Variants in COLEC12 observed in about 807,000 individuals in gnomAD.
COLEC12 encodes the protein collectin-12.
A neutral mutation model predicts 71.1 loss-of-function variants in COLEC12; 33 were observed. The observed-to-expected ratio is 0.46, with a 90% CI of 0.35 to 0.62. The LOEUF (loss-of-function observed/expected upper bound fraction) is 0.62, where lower values mean the gene tolerates loss of function less well. Among genes scored for constraint, COLEC12 ranks in the 20% least tolerant of loss-of-function variants. COLEC12 has a pLI of 0.00. For missense variants in COLEC12, 765 were observed against 916.1 expected (o/e 0.84, Z 2.13); for synonymous variants, 350 against 353.0 (o/e 0.99, Z 0.10).
At chr18:342,236 TA>T (rs71363209) in intron 5 of COLEC12, among the ~76,000 whole-genome samples, 15,903 of 152,184 alleles carry the variant, frequency 0.1, 970 homozygotes, top group Admixed American at 0.16. Context: ...TTTATATTTT[TA>T]AGTAGAGATG....
chr18:450,311 T>C lies in COLEC12; in HGVS notation c.58+30396A>G, dbSNP rs115712569. Among the ~76,000 whole-genome samples, 1,155 of 152,292 alleles carry C rather than the reference T, an allele frequency of 7.6e-3. 11 individuals carry two copies. Among genetic ancestry groups the C allele is most frequent in the African/African-American group, 0.025 (1,059 of 41,560 alleles). ...TCATGTCGATTTGTAATCCCCAATG[T>C]TGAGGGGGGGCCTGCTGGGAGGAGT... On this transcript the variant is annotated intron_variant, in intron 2 of 9. Transcript: ENST00000400256.
chr18:490,217 G>C (rs1917595477), intron 1 of COLEC12, among the ~76,000 whole-genome samples: 1 of 152,216 alleles, frequency 6.6e-6, no homozygotes, highest in Non-Finnish European at 1.5e-5. Flanking sequence ...TGAGAGCAGG[G>C]AAAACGTGAG....
chr18:446,929 C>T (rs1916665814), intron 2 of COLEC12, among the ~76,000 whole-genome samples: 1 of 152,160 alleles, frequency 6.6e-6, no homozygotes, highest in Non-Finnish European at 1.5e-5. Context: ...ATTCTATGTT[C>T]AACTCTTAAC....
At chr18:336,659 G>T (rs773082145) in intron 5 of COLEC12, among the ~76,000 whole-genome samples, 1 of 152,098 alleles carries the variant, frequency 6.6e-6, no homozygotes, top group African/African-American at 2.4e-5. Flanking sequence ...CTATTTGTTC[G>T]AGGATACTTA....
At chr18:386,060 C>A (rs1915338461) in intron 2 of COLEC12, among the ~76,000 whole-genome samples, 1 of 151,994 alleles carries the variant, frequency 6.6e-6, no homozygotes. Context: ...TGGATAAATC[C>A]ACTGTGGGAA....
At chr18:486,658 T>C (rs1917523951) in intron 1 of COLEC12, among the ~76,000 whole-genome samples, 1 of 152,216 alleles carries the variant, frequency 6.6e-6, no homozygotes, top group South Asian at 2.1e-4. Context: ...CTCATGAAAC[T>C]GAAGCCTGTG....
At chr18:353,504 T>G (rs553219346) in intron 3 of COLEC12, among the ~76,000 whole-genome samples, 1 of 152,364 alleles carries the variant, frequency 6.6e-6, no homozygotes, top group African/African-American at 2.4e-5. Flanking sequence ...CTAAATCTGG[T>G]TTCCTCCAAT....
At chr18:422,735 C>T (rs1454737945) in intron 2 of COLEC12, among the ~76,000 whole-genome samples, 3 of 152,136 alleles carry the variant, frequency 2.0e-5, no homozygotes, top group African/African-American at 7.2e-5. Context: ...GCATTACATT[C>T]TAAGCATGTA....
chr18:427,096 G>A (rs913362409), intron 2 of COLEC12, among the ~76,000 whole-genome samples: 4 of 152,190 alleles, frequency 2.6e-5, no homozygotes, highest in African/African-American at 7.2e-5. Context: ...CAATTTGGGT[G>A]TACTCAATAT....
At chr18:407,868 A>T (rs1272859649) in intron 2 of COLEC12, among the ~76,000 whole-genome samples, 1 of 152,254 alleles carries the variant, frequency 6.6e-6, no homozygotes, top group Non-Finnish European at 1.5e-5. Context: ...CTTTAAAAAT[A>T]GCTGCCTGGA....
intron 2 of COLEC12, among the ~76,000 whole-genome samples, chr18:409,361 C>G (rs1460999686): frequency 2.0e-5 from 3 of 152,050 alleles, no homozygotes; most frequent in Non-Finnish European, 4.4e-5. Context: ...TGGCAAAACC[C>G]CGTCTCTACT....
intron 2 of COLEC12, among the ~76,000 whole-genome samples, chr18:456,823 T>C (rs978864824): frequency 6.6e-6 from 1 of 152,138 alleles, no homozygotes; most frequent in Non-Finnish European, 1.5e-5. Context: ...CACAGGCTGT[T>C]TGGCAACATC....
chr18:412,388 G>A (rs1330710925), intron 2 of COLEC12, among the ~76,000 whole-genome samples: 5 of 151,728 alleles, frequency 3.3e-5, no homozygotes, highest in African/African-American at 1.2e-4. Flanking sequence ...AGAAATGAAA[G>A]GGGAAAGGAA....
chr18:334,901 C>G lies in COLEC12; in HGVS notation c.1657G>C (p.Val553Leu). Residue 553 changes from valine (V) to leucine (L), a missense_variant, in exon 6 of 10, where the codon GTT (valine) becomes CTT (leucine). By Grantham distance (32) the Val-to-Leu change is conservative. Coordinates refer to ENST00000400256, the MANE Select transcript of COLEC12 (RefSeq NM_130386.3). ...PPGFQGLQGT[V>L]GEPGVPGPRG... ...GGTCCAGGCACCCCAGGCTCCCCAA[C>G]GGTGCCCTGAAGTCCCTGGAAGCCA... 6.5e-7 allele frequency: 1 copy of G among 1,539,688 alleles called. No individual in the cohort carries two copies. The highest frequency in any genetic ancestry group is 8.7e-7 in the Non-Finnish European group (1 of 1,152,480).
In COLEC12 at chr18:357,510, C is replaced by A; in HGVS notation, c.71G>T (p.Gly24Val). 1.9e-6 allele frequency: 3 copies of A among 1,565,434 alleles called. No homozygotes were observed. The highest frequency in any genetic ancestry group is 2.6e-6 in the Non-Finnish European group (3 of 1,153,108). ...ATTTTTACATTTGGTACATTGTGTT[C>A]CTTCCTGAATACCTGTAAGAGAAGT... ...FGYKRFGIQE[G>V]TQCTKCKNNW... is the part of the protein sequence containing the mutation. Residue 24 changes from glycine (G) to valine (V), a missense_variant, in exon 3 of 10, where the codon GGA (glycine) becomes GTA (valine). Transcript: ENST00000400256.
chr18:468,719 T>A (rs1205390054), intron 2 of COLEC12, among the ~76,000 whole-genome samples: 1 of 152,258 alleles, frequency 6.6e-6, no homozygotes, highest in East Asian at 1.9e-4. Flanking sequence ...CATTAGTTCA[T>A]CCTCACAATG....
intron 2 of COLEC12, among the ~76,000 whole-genome samples, chr18:361,594 C>T (rs760243009): frequency 2.0e-5 from 3 of 152,168 alleles, no homozygotes; most frequent in Admixed American, 6.5e-5. Context: ...CACGGACCAG[C>T]GCATAAGCTC....
intron 2 of COLEC12, among the ~76,000 whole-genome samples, chr18:476,914 T>C (rs961134042): frequency 6.6e-6 from 1 of 152,208 alleles, no homozygotes; most frequent in Admixed American, 6.5e-5. Context: ...TGATTAAAGC[T>C]TGAAAATGCT....
chr18:458,911 T>C (rs1217116691), intron 2 of COLEC12, among the ~76,000 whole-genome samples: 1 of 152,252 alleles, frequency 6.6e-6, no homozygotes, highest in Non-Finnish European at 1.5e-5. Context: ...CATGGTTCAT[T>C]GCAGCCTTGA....
Sources: allele counts gnomAD v4.1 joint callset (sites outside exome capture counted in the v4.1 genomes callset), GRCh38; gene constraint gnomAD v4.1.1; transcripts MANE v1.5; gene names NCBI Gene and HGNC (gene_info 2026-07-23, HGNC 2026-07-21).